Variants in EBF4 observed in about 807,000 individuals in gnomAD.
The protein encoded by EBF4 is transcription factor COE4.
Under a neutral mutation model 67.1 loss-of-function variants are expected in EBF4, and 34 were observed. The ratio of observed to expected loss-of-function variants is 0.51; its 90% CI spans 0.39 to 0.67. The LOEUF is 0.67. Ranked by LOEUF, EBF4 falls within the 30% of genes least tolerant of loss-of-function variation. The pLI is 0.00. For synonymous variants in EBF4, 387 were observed against 377.7 expected, an observed-to-expected ratio of 1.02 and a Z score of -0.29; for missense variants, 837 against 873.3, an observed-to-expected ratio of 0.96 and a Z score of 0.52.
intron 15 of EBF4, among the ~76,000 whole-genome samples, chr20:2,758,044 C>T (rs976241795): frequency 1.3e-5 from 2 of 152,162 alleles, no homozygotes; most frequent in African/African-American, 2.4e-5. Context: ...GATGACAGAG[C>T]GGCTTAAAGG....
intron 6 of EBF4, among the ~76,000 whole-genome samples, chr20:2,719,910 AT>A (rs1173121003): frequency 6.6e-6 from 1 of 152,210 alleles, no homozygotes; most frequent in Non-Finnish European, 1.5e-5. Flanking sequence ...GGTCAAGTTA[AT>A]TGATAGTGTT....
rs930560707 is a variant in EBF4, at chr20:2,745,999, T to A, written c.558-2550T>A. Among the ~76,000 whole-genome samples the A allele has an allele frequency of 1.3e-5, 2 of 152,166 alleles. No individual in the cohort carries two copies. Among genetic ancestry groups the A allele is most frequent in the African/African-American group, 4.8e-5 (2 of 41,418 alleles). ...GAGACCATGCCCCATCCTGGTGTTT[T>A]TCCCTCCATCTAGCACCTGCCAAAG... On this transcript the variant is annotated intron_variant, in intron 6 of 16. Coordinates refer to ENST00000609451, the Ensembl canonical transcript of EBF4. This position sits in a 1 kb window ranked among gnomAD's most constrained non-coding sequence, Gnocchi z 5.2.
At chr20:2,752,216 G>A in exon 13 of EBF4, 2 of 1,377,526 alleles carry the variant, frequency 1.5e-6, no homozygotes, top group Non-Finnish European at 1.9e-6. Context: ...GCCTTCAGCA[G>A]CCCGCTGGCC....
At chr20:2,731,331 T>G (rs757551571) in intron 6 of EBF4, among the ~76,000 whole-genome samples, 3 of 152,158 alleles carry the variant, frequency 2.0e-5, no homozygotes, top group Non-Finnish European at 4.4e-5. Context: ...CTCTTCTCCA[T>G]AAAGTCATCC....
intron 6 of EBF4, among the ~76,000 whole-genome samples, chr20:2,741,729 C>G (rs1239787227): frequency 6.6e-6 from 1 of 152,178 alleles, no homozygotes; most frequent in Non-Finnish European, 1.5e-5. Flanking sequence ...TGATGCATAA[C>G]TACCATCCTT....
In EBF4 at chr20:2,751,609, G is replaced by C; in HGVS notation, c.1019-91G>C. ...GGGGCTGCAGCGAGGCTCTCGGACT[G>C]GGCGCTGGCCTGCTTTTGGCGCCCT... On this transcript the variant is annotated intron_variant, in intron 10 of 16. Coordinates refer to ENST00000609451, the Ensembl canonical transcript of EBF4. This position sits in a 1 kb window ranked among gnomAD's most constrained non-coding sequence, Gnocchi z 5.2. 7.4e-7 allele frequency: 1 copy of C among 1,342,790 alleles called. No individual in the cohort carries two copies. Among genetic ancestry groups the C allele is most frequent in the Non-Finnish European group, 1.0e-6 (1 of 962,736 alleles). 83.2% of individuals were successfully genotyped at this position (1,342,790 alleles called of 1,614,324 possible).
At chr20:2,749,699 C>T in exon 9 of EBF4, 1 of 1,561,354 alleles carries the variant, frequency 6.4e-7, no homozygotes, top group Non-Finnish European at 8.7e-7. Context: ...TCATCGGCGA[C>T]AACTTCTTCG....
At chr20:2,731,911 T>G (rs1348026147) in intron 6 of EBF4, among the ~76,000 whole-genome samples, 1 of 152,198 alleles carries the variant, frequency 6.6e-6, no homozygotes, top group Non-Finnish European at 1.5e-5. Context: ...TCACATTGTG[T>G]GTGCAGAGCT....
At position 2,751,804 on chromosome 20, in the gene EBF4, G is replaced by A; in HGVS notation, c.1107+16G>A. On this transcript the variant is annotated intron_variant, in intron 11 of 16. Transcript: ENST00000609451. This position sits in a 1 kb window ranked among gnomAD's most constrained non-coding sequence, Gnocchi z 5.2. ...GCTGCCCAAGGTACTCAGAGGGGCG[G>A]GGCGGGGCGGGGCTGAGGGTGTCCT... 5 of 1,548,038 alleles carry A rather than the reference G, an allele frequency of 3.2e-6. No homozygotes were observed. The highest frequency in any genetic ancestry group is 4.4e-6 in the Non-Finnish European group (5 of 1,145,222).
upstream of EBF4, chr20:2,693,427 C>G (rs1169655794): frequency 9.1e-6 from 4 of 439,094 alleles, no homozygotes; most frequent in Non-Finnish European, 1.5e-5. This position sits in a 1 kb window ranked among gnomAD's most constrained non-coding sequence, Gnocchi z 4.6. Flanking sequence ...CCTCCATCTC[C>G]CCGCCCAGCG....
chr20:2,757,370 G>A (rs960340976), intron 15 of EBF4, among the ~76,000 whole-genome samples: 2 of 152,090 alleles, frequency 1.3e-5, no homozygotes, highest in Admixed American at 1.3e-4. Context: ...CACACAGAAT[G>A]GGGTCCCTTC....
intron 7 of EBF4, among the ~76,000 whole-genome samples, chr20:2,748,959 C>T (rs758546086): frequency 3.9e-5 from 6 of 152,150 alleles, no homozygotes; most frequent in Non-Finnish European, 8.8e-5. Context: ...AGCTGCACAC[C>T]CCTCTCAGTG....
intron 6 of EBF4, among the ~76,000 whole-genome samples, chr20:2,721,158 TA>T (rs2087674256): frequency 1.3e-5 from 2 of 152,048 alleles, no homozygotes; most frequent in African/African-American, 2.4e-5. Flanking sequence ...TTTATTCAGT[TA>T]TTTTTTTCTA....
intron 6 of EBF4, among the ~76,000 whole-genome samples, chr20:2,729,605 C>A (rs140872397): frequency 1.1e-4 from 16 of 152,088 alleles, no homozygotes; most frequent in Non-Finnish European, 1.5e-4. Context: ...GCTCCACCTA[C>A]CACAGTTCCT....
intron 6 of EBF4, among the ~76,000 whole-genome samples, chr20:2,743,221 G>T (rs962487193): frequency 6.6e-6 from 1 of 152,192 alleles, no homozygotes; most frequent in African/African-American, 2.4e-5. Context: ...CTCCTGGGTT[G>T]TTCTCACGTT....
rs71193988 is a variant in EBF4 at position 2,705,785 on chromosome 20, CCACACACACACACACACACACACACACA to C, written c.294+78_294+105del. 1.2e-5 allele frequency: 9 copies of C among 752,266 alleles called. No individual in the cohort carries two copies. The Admixed American group carries it at 1.8e-4, about 15-fold the overall frequency. The allele number at this position is 752,266 out of a possible 1,614,324, so 46.6% of individuals were successfully genotyped here. A position where few individuals can be genotyped will look rare whatever the true frequency, so the allele number is the denominator to read the frequency against. On this transcript the variant is annotated intron_variant, in intron 2 of 16. Transcript: ENST00000609451. ...ACTGGCCCCGGGAGGGAACCCCCAA[CCACACACACACACACACACACACACACA>C]CACACACACACACACACACACACAC... is the stretch of plus-strand genomic sequence containing the variant.
chr20:2,747,600 A>T lies in EBF4; in HGVS notation c.558-949A>T. Among the ~76,000 whole-genome samples, 1 of 152,224 alleles carries T rather than the reference A, an allele frequency of 6.6e-6. No individual in the cohort carries two copies. The highest frequency in any genetic ancestry group is 1.9e-4 in the East Asian group (1 of 5,196). On this transcript the variant is annotated intron_variant, in intron 6 of 16. Coordinates refer to ENST00000609451, the Ensembl canonical transcript of EBF4. This position sits in a 1 kb window ranked among gnomAD's most constrained non-coding sequence, Gnocchi z 4.6. ...TGGTGGGTATGTGCTCTGTATGATT[A>T]AGCTTTTCCTATGTGTATAATGGAT...
At chr20:2,743,052 C>A (rs1388166637) in intron 6 of EBF4, among the ~76,000 whole-genome samples, 1 of 152,188 alleles carries the variant, frequency 6.6e-6, no homozygotes, top group Non-Finnish European at 1.5e-5. Flanking sequence ...AGGTCTCTCA[C>A]TCTCCCCCAG....
rs57405059 is a variant in EBF4 at position 2,747,317 on chromosome 20, C to CAAAAAA, written c.558-1224_558-1219dup. Among the ~76,000 whole-genome samples, 1 of 127,370 alleles carries CAAAAAA rather than the reference C, an allele frequency of 7.9e-6. No individual in the cohort carries two copies. Among genetic ancestry groups the CAAAAAA allele is most frequent in the Non-Finnish European group, 1.7e-5 (1 of 58,684 alleles). The allele number at this position is 127,370 out of a possible 152,430, so 83.6% of individuals were successfully genotyped here. On this transcript the variant is annotated intron_variant, in intron 6 of 16. Coordinates refer to ENST00000609451, the Ensembl canonical transcript of EBF4. This position sits in a 1 kb window ranked among gnomAD's most constrained non-coding sequence, Gnocchi z 4.6. ...GTCTCAAAACAAAAAACAAAACAAACAAAAAAAAAAAAACAGGAAAAAAAA... is the reference window on the plus strand; with the variant it reads ...GTCTCAAAACAAAAAACAAAACAAACAAAAAAAAAAAAAAAAAAACAGGAAAAAAAA...
Sources: allele counts gnomAD v4.1 joint callset (sites outside exome capture counted in the v4.1 genomes callset), GRCh38; gene constraint gnomAD v4.1.1; non-coding constraint Gnocchi (gnomAD v3.1); transcripts MANE v1.5; gene names NCBI Gene and HGNC (gene_info 2026-07-23, HGNC 2026-07-21).